Variants in NEK6 observed in about 807,000 individuals in gnomAD.
The protein encoded by NEK6 is NIMA related kinase 6, also known as serine/threonine-protein kinase Nek6.
NEK6 carries 27 observed loss-of-function variants against 43.5 expected under a neutral mutation model. The ratio of observed to expected loss-of-function variants is 0.62; its 90% CI spans 0.46 to 0.86. The LOEUF (loss-of-function observed/expected upper bound fraction) is 0.86. Ranked by LOEUF, NEK6 falls within the 40% of genes least tolerant of loss-of-function variation. The pLI is 0.00. For synonymous variants in NEK6, 167 were observed against 164.1 expected (o/e 1.02, Z -0.14); for missense variants, 318 against 414.4 (o/e 0.77, Z 2.02).
In NEK6 at chr9:124,326,202, T is replaced by TCCCCCCCCCCCCCCCCCCCCCCCCCC; in HGVS notation, c.406-117_406-116insCCCCCCCCCCCCCCCCCCCCCCCCCC. On this transcript the variant is annotated intron_variant, in intron 5 of 9. Coordinates refer to ENST00000320246, the MANE Select transcript of NEK6 (RefSeq NM_014397.6). The surrounding 1 kb of genome is among the most constrained non-coding windows in gnomAD (Gnocchi z 4.5). Reference sequence around the variant, plus strand: ...GCTTATTGTTTGCTCAGTGGCTCAATCCCCCCCCCCCGCCCCTGCCAGGCA... The same window carrying TCCCCCCCCCCCCCCCCCCCCCCCCCC: ...GCTTATTGTTTGCTCAGTGGCTCAATCCCCCCCCCCCCCCCCCCCCCCCCCCCCCCCCCCCCCGCCCCTGCCAGGCA... 1.3e-4 allele frequency: 16 copies of TCCCCCCCCCCCCCCCCCCCCCCCCCC among 124,052 alleles called. 5 individuals are homozygous for TCCCCCCCCCCCCCCCCCCCCCCCCCC. The highest frequency in any genetic ancestry group is 2.0e-4 in the South Asian group (3 of 15,360). 7.7% of individuals were successfully genotyped at this position (124,052 alleles called of 1,614,324 possible).
chr9:124,319,314 T>A (rs1273591948), intron 4 of NEK6, among the ~76,000 whole-genome samples: 1 of 151,986 alleles, frequency 6.6e-6, no homozygotes, highest in African/African-American at 2.4e-5. Flanking sequence ...GTTTTGTTTT[T>A]TTTTATTGAT....
intron 7 of NEK6, among the ~76,000 whole-genome samples, chr9:124,337,533 G>C (rs910152565): frequency 6.6e-6 from 1 of 152,174 alleles, no homozygotes; most frequent in Non-Finnish European, 1.5e-5. Flanking sequence ...TTTTGTGCCT[G>C]GTTTCTTTTA....
At chr9:124,338,446 T>A (rs76892594) in intron 7 of NEK6, among the ~76,000 whole-genome samples, 1 of 152,370 alleles carries the variant, frequency 6.6e-6, no homozygotes, top group East Asian at 1.9e-4. Context: ...GCAGAAGCTT[T>A]GAAATATGTT....
intron 1 of NEK6, among the ~76,000 whole-genome samples, chr9:124,287,167 G>A (rs1405598653): frequency 6.6e-6 from 1 of 152,098 alleles, no homozygotes; most frequent in Non-Finnish European, 1.5e-5. Flanking sequence ...GATCCCTAGG[G>A]GAAAGACCTA....
At chr9:124,344,391 A>G (rs1829808023) in intron 8 of NEK6, among the ~76,000 whole-genome samples, 1 of 152,200 alleles carries the variant, frequency 6.6e-6, no homozygotes, top group Non-Finnish European at 1.5e-5. Context: ...TCCTGTGGCC[A>G]CCGGAGTTGC....
chr9:124,341,689 C>T (rs906031640), intron 8 of NEK6, among the ~76,000 whole-genome samples: 5 of 152,146 alleles, frequency 3.3e-5, no homozygotes, highest in African/African-American at 1.2e-4. Context: ...CTCTCCACAG[C>T]CCAGCTCCTG....
At chr9:124,346,363 C>T (rs937733295) in intron 8 of NEK6, among the ~76,000 whole-genome samples, 15 of 152,164 alleles carry the variant, frequency 9.9e-5, no homozygotes, top group Non-Finnish European at 8.8e-5. Flanking sequence ...CCCAAGCTGA[C>T]GGGCACCCTC....
At chr9:124,292,951 G>C in intron 1 of NEK6, 5 of 1,572,472 alleles carry the variant, frequency 3.2e-6, no homozygotes, top group Non-Finnish European at 4.3e-6. Context: ...ATGCCCAGGA[G>C]AGAAGTTTGC....
At chr9:124,313,512 C>T (rs1443069031) in intron 3 of NEK6, among the ~76,000 whole-genome samples, 1 of 152,076 alleles carries the variant, frequency 6.6e-6, no homozygotes, top group Non-Finnish European at 1.5e-5. Context: ...GGACTACAGG[C>T]GTGCACCACC....
intron 2 of NEK6, among the ~76,000 whole-genome samples, chr9:124,309,833 G>A (rs1249066952): frequency 6.6e-6 from 1 of 152,208 alleles, no homozygotes; most frequent in Non-Finnish European, 1.5e-5. Flanking sequence ...GTCCCACTGT[G>A]CGCCAGGTCG....
In NEK6 at chr9:124,351,021, A is replaced by G. The variant is rs1830250270; in HGVS notation, c.*74A>G. 9.8e-7 allele frequency: 1 copy of G among 1,024,142 alleles called. No individual in the cohort carries two copies. The allele number at this position is 1,024,142 out of a possible 1,614,324, so 63.4% of individuals were successfully genotyped here. ...TGAGTCGTCTTCTCTTCGAGTGGCC[A>G]CCTGGTAGCCTAGAACAGCTAAGAC... On this transcript the variant is annotated 3_prime_UTR_variant, in exon 10 of 10. Coordinates refer to ENST00000320246, the MANE Select transcript of NEK6 (RefSeq NM_014397.6).
chr9:124,304,436 A>C (rs1833153957), intron 2 of NEK6, among the ~76,000 whole-genome samples: 1 of 152,188 alleles, frequency 6.6e-6, no homozygotes, highest in Non-Finnish European at 1.5e-5. Context: ...GGGTGAGACT[A>C]GGAAAGCAAC....
intron 1 of NEK6, among the ~76,000 whole-genome samples, chr9:124,299,337 G>A (rs1226166036): frequency 6.6e-6 from 1 of 152,216 alleles, no homozygotes; most frequent in Non-Finnish European, 1.5e-5. Context: ...AGGGGTCTAG[G>A]GGTGCAGCTG....
chr9:124,337,309 G>T (rs1829346955), intron 7 of NEK6, among the ~76,000 whole-genome samples: 1 of 152,202 alleles, frequency 6.6e-6, no homozygotes, highest in African/African-American at 2.4e-5. Context: ...GCGGGGAGAA[G>T]AGGGACCCTG....
intron 7 of NEK6, among the ~76,000 whole-genome samples, chr9:124,332,264 G>A (rs1829038534): frequency 6.6e-6 from 1 of 152,172 alleles, no homozygotes; most frequent in African/African-American, 2.4e-5. Flanking sequence ...GGAAGATACA[G>A]CCTGGTAGGA....
chr9:124,286,859 A>G (rs1022273977), intron 1 of NEK6, among the ~76,000 whole-genome samples: 1 of 152,194 alleles, frequency 6.6e-6, no homozygotes, highest in African/African-American at 2.4e-5. Context: ...TCTGAGCTTT[A>G]GTTCCTTATC....
intron 1 of NEK6, among the ~76,000 whole-genome samples, chr9:124,285,898 G>T (rs1832135075): frequency 6.6e-6 from 1 of 152,184 alleles, no homozygotes; most frequent in Non-Finnish European, 1.5e-5. Context: ...CTGTTATGAG[G>T]ATTAAAGTAA....
At chr9:124,303,286 A>C (rs1833088775) in intron 2 of NEK6, among the ~76,000 whole-genome samples, 1 of 152,144 alleles carries the variant, frequency 6.6e-6, no homozygotes, top group Non-Finnish European at 1.5e-5. Flanking sequence ...AGAGATAGCC[A>C]CCCTCCTGAG....
At chr9:124,280,572 T>C (rs1564619338) in intron 1 of NEK6, among the ~76,000 whole-genome samples, 1 of 152,126 alleles carries the variant, frequency 6.6e-6, no homozygotes. Context: ...GGGGCAGACA[T>C]GGGTGTGACG....
Sources: gnomAD v4.1 joint callset for allele counts (sites outside exome capture counted in the v4.1 genomes callset) on GRCh38, gnomAD v4.1.1 for gene constraint, Gnocchi (gnomAD v3.1) non-coding constraint, MANE v1.5 for transcripts, NCBI Gene and HGNC (gene_info 2026-07-23, HGNC 2026-07-21) for gene names.